Variants in TLK1 observed in about 807,000 individuals in gnomAD.
TLK1 encodes tousled like kinase 1, also known as serine/threonine-protein kinase tousled-like 1.
TLK1 carries 24 observed loss-of-function variants against 105.3 expected under a neutral mutation model. The observed-to-expected ratio is 0.23, with a 90% CI of 0.17 to 0.32. The LOEUF is 0.32. TLK1 is among the 10% of genes least tolerant of loss of function. The pLI, the probability that TLK1 is intolerant of heterozygous loss-of-function variation, is 1.00. For synonymous variants in TLK1, 321 were observed against 310.4 expected, an observed-to-expected ratio of 1.03 and a Z score of -0.36; for missense variants, 558 against 910.5, an observed-to-expected ratio of 0.61 and a Z score of 4.98.
chr2:171,085,441 T>C (rs1013790647), intron 2 of TLK1, among the ~76,000 whole-genome samples: 1 of 152,020 alleles, frequency 6.6e-6, no homozygotes, highest in South Asian at 2.1e-4. Flanking sequence ...TGTCAGTCTC[T>C]TGTTGTCAGT....
intron 1 of TLK1, among the ~76,000 whole-genome samples, chr2:171,208,906 G>T (rs1022689238): frequency 6.6e-6 from 1 of 152,148 alleles, no homozygotes; most frequent in Admixed American, 6.5e-5. Context: ...CAATACATCT[G>T]TACTTGTAGG....
chr2:171,116,304 A>G (rs1690423306), intron 2 of TLK1, among the ~76,000 whole-genome samples: 1 of 152,246 alleles, frequency 6.6e-6, no homozygotes, highest in Non-Finnish European at 1.5e-5. Context: ...TACATGAAAC[A>G]TGAGAAAATC....
At chr2:171,103,630 A>G (rs1237872825) in intron 2 of TLK1, among the ~76,000 whole-genome samples, 1 of 152,140 alleles carries the variant, frequency 6.6e-6, no homozygotes, top group Non-Finnish European at 1.5e-5. Flanking sequence ...ATCATTTTTT[A>G]AGGGATGTTT....
At chr2:170,998,239 C>CT (rs369777450) in intron 18 of TLK1, among the ~76,000 whole-genome samples, 1 of 152,330 alleles carries the variant, frequency 6.6e-6, no homozygotes, top group African/African-American at 2.4e-5. Context: ...ACTTCTCTCC[C>CT]TAAAATATAC....
chr2:171,091,524 G>A (rs1205788089), intron 2 of TLK1: 1 of 152,092 alleles, frequency 6.6e-6, no homozygotes, highest in Non-Finnish European at 1.5e-5. Context: ...TCCTGTCCTT[G>A]TATTTTTGGT....
At chr2:171,014,816 T>C in intron 13 of TLK1, 35 bp downstream of exon 13, 1 of 1,488,208 alleles carries the variant, frequency 6.7e-7, no homozygotes, top group Non-Finnish European at 9.4e-7. Context: ...GTAGTTTTAA[T>C]AATATGAAAC....
chr2:171,054,874 CG>C (rs1687421306), intron 7 of TLK1: 1 of 343,334 alleles, frequency 2.9e-6, no homozygotes, highest in African/African-American at 2.1e-5. Context: ...GACATGTTAA[CG>C]GTTGTTTAAA....
At chr2:171,197,862 A>G (rs1027780259) in intron 1 of TLK1, among the ~76,000 whole-genome samples, 4 of 152,176 alleles carry the variant, frequency 2.6e-5, no homozygotes, top group African/African-American at 9.7e-5. Flanking sequence ...TCTACTCCAA[A>G]CTTCTAAAAT....
At chr2:171,141,053 T>C (rs1691552504) in intron 1 of TLK1, among the ~76,000 whole-genome samples, 2 of 152,062 alleles carry the variant, frequency 1.3e-5, no homozygotes, top group South Asian at 4.1e-4. Context: ...AAAATATATC[T>C]TTAAAAATGC....
chr2:171,181,686 T>C (rs1692931243), intron 1 of TLK1, among the ~76,000 whole-genome samples: 1 of 152,168 alleles, frequency 6.6e-6, no homozygotes, highest in African/African-American at 2.4e-5. Flanking sequence ...TAGCCAGCTC[T>C]TAAGGGACCT....
At chr2:171,050,959 A>G (rs565813475) in intron 8 of TLK1, among the ~76,000 whole-genome samples, 3 of 152,242 alleles carry the variant, frequency 2.0e-5, no homozygotes, top group Non-Finnish European at 2.9e-5. Flanking sequence ...TTGAGAATCA[A>G]AAGTCTAGGC....
At chr2:171,135,567 G>A (rs771992858) in intron 1 of TLK1, among the ~76,000 whole-genome samples, 1 of 151,908 alleles carries the variant, frequency 6.6e-6, no homozygotes, top group Non-Finnish European at 1.5e-5. Context: ...TTGGGAGGCC[G>A]AGGAGGGTGG....
chr2:171,077,897 T>C (rs1258027402), intron 3 of TLK1, among the ~76,000 whole-genome samples: 2 of 152,226 alleles, frequency 1.3e-5, no homozygotes, highest in Admixed American at 6.5e-5. Context: ...AGTCAAATAA[T>C]GTGTTGGCGC....
chr2:171,118,389 T>C (rs1329538636), intron 1 of TLK1, among the ~76,000 whole-genome samples: 1 of 152,238 alleles, frequency 6.6e-6, no homozygotes, highest in African/African-American at 2.4e-5. Flanking sequence ...TGTTTATGTA[T>C]ATCTTATATA....
chr2:171,112,405 A>G (rs556850749), intron 2 of TLK1, among the ~76,000 whole-genome samples: 22 of 152,380 alleles, frequency 1.4e-4, no homozygotes, highest in African/African-American at 5.0e-4. Context: ...AAAGACTTTC[A>G]TAAGTTCAAA....
chr2:171,131,054 T>C (rs1040419484), intron 1 of TLK1, among the ~76,000 whole-genome samples: 1 of 152,122 alleles, frequency 6.6e-6, no homozygotes, highest in Non-Finnish European at 1.5e-5. Flanking sequence ...CTTAGATAGA[T>C]ACCTATATAT....
At chr2:171,182,375 C>T (rs1179977156) in intron 1 of TLK1, among the ~76,000 whole-genome samples, 1 of 152,134 alleles carries the variant, frequency 6.6e-6, no homozygotes, top group Admixed American at 6.5e-5. Flanking sequence ...ATTAATACCA[C>T]CAGAAATGGG....
intron 12 of TLK1, among the ~76,000 whole-genome samples, chr2:171,026,080 T>C (rs1474584647): frequency 6.6e-6 from 1 of 152,078 alleles, no homozygotes; most frequent in African/African-American, 2.4e-5. Flanking sequence ...ATGTTGTAAA[T>C]TAGTTAAAAA....
intron 2 of TLK1, among the ~76,000 whole-genome samples, chr2:171,097,502 C>A (rs1689499431): frequency 6.6e-6 from 1 of 152,106 alleles, no homozygotes. Context: ...AGCTTATGCA[C>A]AGAAGAAGAA....
Sources: gnomAD v4.1 joint callset for allele counts (sites outside exome capture counted in the v4.1 genomes callset) on GRCh38, gnomAD v4.1.1 for gene constraint, MANE v1.5 for transcripts, NCBI Gene and HGNC (gene_info 2026-07-23, HGNC 2026-07-21) for gene names.